The following SGO2 variants were observed in gnomAD, a reference collection of about 807,000 sequenced individuals.
The protein encoded by SGO2 is shugoshin 2, also known as shugoshin-like 2.
A neutral mutation model predicts 99.5 loss-of-function variants in SGO2; 68 were observed. The observed-to-expected ratio is 0.68, with a 90% CI of 0.56 to 0.84. SGO2 has a LOEUF of 0.84. Among genes scored for constraint, SGO2 ranks in the 40% least tolerant of loss-of-function variants. The pLI is 0.00. For synonymous variants in SGO2, 457 were observed against 487.1 expected (o/e 0.94, Z 0.81); for missense variants, 1,350 against 1,436.7 (o/e 0.94, Z 0.97).
intron 4 of SGO2, among the ~76,000 whole-genome samples, chr2:200,541,615 ACAC>A: frequency 6.6e-6 from 1 of 152,174 alleles, no homozygotes; most frequent in Middle Eastern, 3.2e-3. Flanking sequence ...TTTAATGGCT[ACAC>A]CCAACTGACT....
chr2:200,543,915 A>C (rs1399038498), intron 5 of SGO2, among the ~76,000 whole-genome samples: 1 of 152,226 alleles, frequency 6.6e-6, no homozygotes, highest in Non-Finnish European at 1.5e-5. Flanking sequence ...ATTTTCACCA[A>C]GTGAACACTG....
intron 5 of SGO2, among the ~76,000 whole-genome samples, chr2:200,550,614 G>A (rs772453818): frequency 9.9e-5 from 15 of 152,064 alleles, no homozygotes; most frequent in East Asian, 1.9e-4. Flanking sequence ...TAAATAGTGC[G>A]GGAAAACTGG....
At chr2:200,576,488 A>C (rs1021416817) in intron 8 of SGO2, among the ~76,000 whole-genome samples, 5 of 152,172 alleles carry the variant, frequency 3.3e-5, no homozygotes, top group Non-Finnish European at 7.3e-5. Flanking sequence ...AGGCAGGAGA[A>C]TCACCTTGAA....
intron 1 of SGO2, among the ~76,000 whole-genome samples, chr2:200,528,801 G>A (rs1254521006): frequency 6.6e-6 from 1 of 152,172 alleles, no homozygotes; most frequent in African/African-American, 2.4e-5. Context: ...TTAGGGAGAT[G>A]AAGAATAACC....
intron 1 of SGO2, among the ~76,000 whole-genome samples, chr2:200,531,057 A>G (rs959110208): frequency 6.6e-6 from 1 of 152,196 alleles, no homozygotes; most frequent in Non-Finnish European, 1.5e-5. Flanking sequence ...GGTCCAGTGG[A>G]AAAGGAAAAA....
rs368659217 is a variant in SGO2 at position 200,577,003 on chromosome 2, A to G, written c.3782+1542A>G. 2.0e-3 allele frequency among the ~76,000 whole-genome samples: 304 copies of G among 148,948 alleles called. 1 individual carries two copies. Among genetic ancestry groups the G allele is most frequent in the African/African-American group, 7.0e-3 (286 of 40,836 alleles). On this transcript the variant is annotated intron_variant, in intron 8 of 8. Coordinates refer to ENST00000357799, the MANE Select transcript of SGO2 (RefSeq NM_152524.6). ...CTATTATGAATATGCTACTATGAAC[A>G]TTCTTTTGCAAGGTTTTGTGTGTAA...
intron 4 of SGO2, among the ~76,000 whole-genome samples, chr2:200,540,772 G>A (rs889046646): frequency 6.6e-5 from 10 of 152,092 alleles, no homozygotes; most frequent in African/African-American, 2.4e-4. Context: ...CCCTTCTCAG[G>A]GCTAGCCAAT....
At chr2:200,554,444 A>G (rs2032620354) in intron 5 of SGO2, among the ~76,000 whole-genome samples, 1 of 152,188 alleles carries the variant, frequency 6.6e-6, no homozygotes, top group Admixed American at 6.5e-5. Flanking sequence ...ACTTGCATTC[A>G]AGAGCACCTG....
At chr2:200,529,239 C>A (rs1211538886) in intron 1 of SGO2, among the ~76,000 whole-genome samples, 2 of 152,208 alleles carry the variant, frequency 1.3e-5, no homozygotes, top group African/African-American at 4.8e-5. Flanking sequence ...ACATGCCATT[C>A]TTTCTTCCTG....
chr2:200,540,586 C>T (rs2031917862), intron 4 of SGO2, among the ~76,000 whole-genome samples: 1 of 152,208 alleles, frequency 6.6e-6, no homozygotes, highest in South Asian at 2.1e-4. Flanking sequence ...GTTGTTACTA[C>T]TGAAGAGTGA....
At chr2:200,577,023 G>A (rs1439873541) in intron 8 of SGO2, among the ~76,000 whole-genome samples, 1 of 150,892 alleles carries the variant, frequency 6.6e-6, no homozygotes, top group African/African-American at 2.4e-5. Context: ...AAGGTTTTGT[G>A]TGTAAAGTAT....
intron 3 of SGO2, 64 bp downstream of exon 3, chr2:200,535,235 A>G: frequency 7.5e-7 from 1 of 1,325,154 alleles, no homozygotes; most frequent in Non-Finnish European, 1.0e-6. Context: ...GCATTATTAT[A>G]GAAGCTTTAA....
At chr2:200,542,751 G>A (rs2106314775) in intron 5 of SGO2, 87 bp downstream of exon 5, 4 of 1,152,460 alleles carry the variant, frequency 3.5e-6, no homozygotes, top group East Asian at 2.5e-5. Flanking sequence ...ACAGTGTTCA[G>A]GATCATCAAC....
chr2:200,578,304 T>A (rs904056366), intron 8 of SGO2, among the ~76,000 whole-genome samples: 1 of 152,226 alleles, frequency 6.6e-6, no homozygotes, highest in Non-Finnish European at 1.5e-5. Flanking sequence ...TTCCGTGTCC[T>A]TTTGACATGA....
chr2:200,530,541 AT>A (rs1325279675), intron 1 of SGO2, among the ~76,000 whole-genome samples: 6 of 152,208 alleles, frequency 3.9e-5, no homozygotes, highest in Admixed American at 3.9e-4. Flanking sequence ...TCTGGCTGGT[AT>A]TTTAAGTGAT....
At position 200,571,730 on chromosome 2, in the gene SGO2, G is replaced by A; in HGVS notation, c.1384G>A (p.Glu462Lys). 5.6e-6 allele frequency: 9 copies of A among 1,613,732 alleles called. No individual in the cohort carries two copies. The highest frequency in any genetic ancestry group is 7.6e-6 in the Non-Finnish European group (9 of 1,179,708). ...FNNEQLAQMN[E>K]QLAQVNELKK... The stretch of plus-strand genomic sequence containing the variant: ...TAATGAACAGCTGGCTCAGATGAAT[G>A]AACAGCTGGCTCAGGTGAATGAACT... The change falls in exon 7 of 9, where the codon GAA (glutamate) becomes AAA (lysine). Residue 462 changes from glutamate to lysine, a missense_variant. Transcript: ENST00000357799.
intron 5 of SGO2, among the ~76,000 whole-genome samples, chr2:200,550,286 C>T (rs777962049): frequency 2.6e-5 from 4 of 152,132 alleles, no homozygotes; most frequent in Non-Finnish European, 5.9e-5. Context: ...AAGCAATTTA[C>T]AGATTCAATA....
At chr2:200,530,812 G>T (rs2031334221) in intron 1 of SGO2, among the ~76,000 whole-genome samples, 1 of 152,242 alleles carries the variant, frequency 6.6e-6, no homozygotes. Context: ...AGATTTAGCA[G>T]CACAGAAGTC....
chr2:200,565,284 T>C (rs980229256), intron 5 of SGO2, among the ~76,000 whole-genome samples: 12 of 152,204 alleles, frequency 7.9e-5, no homozygotes, highest in Non-Finnish European at 2.9e-5. Flanking sequence ...CAGTATTTGC[T>C]TGTCTGTAAA....
Sources: allele counts gnomAD v4.1 joint callset (sites outside exome capture counted in the v4.1 genomes callset), GRCh38; gene constraint gnomAD v4.1.1; transcripts MANE v1.5; gene names NCBI Gene and HGNC (gene_info 2026-07-23, HGNC 2026-07-21).